ZNF385D: variants seen among roughly 807,000 people sequenced by gnomAD.
ZNF385D encodes zinc finger protein 659.
A neutral mutation model predicts 35.8 loss-of-function variants in ZNF385D; 15 were observed. The observed-to-expected ratio is 0.42, with a 90% CI of 0.28 to 0.64. The LOEUF is 0.64. ZNF385D is among the 30% of genes least tolerant of loss of function. ZNF385D has a pLI of 0.23. For synonymous variants in ZNF385D, 212 were observed against 186.8 expected, an observed-to-expected ratio of 1.13 and a Z score of -1.10; for missense variants, 474 against 494.6, an observed-to-expected ratio of 0.96 and a Z score of 0.39.
intron 1 of ZNF385D, among the ~76,000 whole-genome samples, chr3:21,738,249 T>C (rs2069342752): frequency 6.6e-6 from 1 of 152,244 alleles, no homozygotes; most frequent in Non-Finnish European, 1.5e-5. Flanking sequence ...GAGACTGGAA[T>C]TTATTCAAGG....
At chr3:21,559,757 T>C (rs1027304235) in intron 3 of ZNF385D, among the ~76,000 whole-genome samples, 1 of 152,252 alleles carries the variant, frequency 6.6e-6, no homozygotes, top group Non-Finnish European at 1.5e-5. Context: ...AAGAGTGTTT[T>C]TGAACTTGGT....
intron 3 of ZNF385D, among the ~76,000 whole-genome samples, chr3:21,797,599 T>A (rs1264479545): frequency 6.6e-6 from 1 of 152,198 alleles, no homozygotes; most frequent in African/African-American, 2.4e-5. Flanking sequence ...AACCAAGCTG[T>A]TTTTACATAG....
At chr3:22,340,385 C>A (rs13323229) in intron 2 of ZNF385D, among the ~76,000 whole-genome samples, 3 of 152,038 alleles carry the variant, frequency 2.0e-5, no homozygotes, top group Admixed American at 6.6e-5. Flanking sequence ...GTGGCTCACA[C>A]CTGTAATCTC....
At chr3:22,306,691 G>A (rs1020724755) in intron 2 of ZNF385D, among the ~76,000 whole-genome samples, 2 of 152,216 alleles carry the variant, frequency 1.3e-5, no homozygotes, top group East Asian at 3.9e-4. Context: ...AATGTAAGGT[G>A]AATTAGCATG....
intron 2 of ZNF385D, among the ~76,000 whole-genome samples, chr3:21,574,953 A>G (rs2063450648): frequency 6.6e-6 from 1 of 151,792 alleles, no homozygotes; most frequent in Non-Finnish European, 1.5e-5. Context: ...GGACTAGGTA[A>G]GTGGCTAAAG....
intron 2 of ZNF385D, among the ~76,000 whole-genome samples, chr3:22,183,743 C>T (rs1695441472): frequency 6.6e-6 from 1 of 151,802 alleles, no homozygotes; most frequent in Non-Finnish European, 1.5e-5. Context: ...ACTATAATTG[C>T]CCTTTTGAAT....
chr3:21,933,052 C>A (rs887188672), intron 3 of ZNF385D, among the ~76,000 whole-genome samples: 8 of 152,166 alleles, frequency 5.3e-5, no homozygotes, highest in Non-Finnish European at 1.0e-4. Flanking sequence ...CAGCGGAAAA[C>A]TTCCTGAATC....
chr3:21,657,274 C>G (rs2066099769), intron 2 of ZNF385D, among the ~76,000 whole-genome samples: 1 of 151,850 alleles, frequency 6.6e-6, no homozygotes, highest in Admixed American at 6.6e-5. Flanking sequence ...AATGCGCTAC[C>G]TATTCAAAGA....
At chr3:22,348,019 A>C (rs537443321) in intron 2 of ZNF385D, among the ~76,000 whole-genome samples, 1 of 152,282 alleles carries the variant, frequency 6.6e-6, no homozygotes, top group East Asian at 1.9e-4. Context: ...ATTTTGTGAT[A>C]ATTGCAGCAT....
chr3:22,365,290 A>G (rs1334653762), intron 2 of ZNF385D, among the ~76,000 whole-genome samples: 3 of 152,038 alleles, frequency 2.0e-5, no homozygotes, highest in Non-Finnish European at 4.4e-5. Context: ...AGTATGAATA[A>G]GTAAACATTG....
intron 2 of ZNF385D, among the ~76,000 whole-genome samples, chr3:22,206,345 T>TA (rs1395520482): frequency 6.6e-6 from 1 of 151,846 alleles, no homozygotes; most frequent in Non-Finnish European, 1.5e-5. Flanking sequence ...GACTTCAACA[T>TA]CCCACTGTCT....
chr3:21,630,787 A>G (rs935330985), intron 2 of ZNF385D, among the ~76,000 whole-genome samples: 7 of 152,122 alleles, frequency 4.6e-5, no homozygotes, highest in Non-Finnish European at 1.0e-4. Context: ...ACTAATATCT[A>G]TTGAGCACAC....
At chr3:22,173,254 G>T (rs1166438631) in intron 2 of ZNF385D, among the ~76,000 whole-genome samples, 1 of 152,162 alleles carries the variant, frequency 6.6e-6, no homozygotes, top group Non-Finnish European at 1.5e-5. Flanking sequence ...CCTGGATGGG[G>T]CCTTGAAATA....
intron 3 of ZNF385D, among the ~76,000 whole-genome samples, chr3:21,974,065 C>T (rs1447792351): frequency 6.6e-6 from 1 of 151,528 alleles, no homozygotes; most frequent in Non-Finnish European, 1.5e-5. Context: ...AAATAGAAAA[C>T]ATAATCCTAA....
chr3:21,710,115 C>G (rs1206715410), intron 1 of ZNF385D, among the ~76,000 whole-genome samples: 1 of 152,074 alleles, frequency 6.6e-6, no homozygotes, highest in Non-Finnish European at 1.5e-5. Context: ...AGATATCAGA[C>G]AAGCGCTTTC....
chr3:21,895,971 T>C (rs1206425034), intron 3 of ZNF385D, among the ~76,000 whole-genome samples: 2 of 152,150 alleles, frequency 1.3e-5, no homozygotes, highest in Non-Finnish European at 2.9e-5. Flanking sequence ...GTCACCAAAA[T>C]TTTTGCGGTT....
rs57424579 is a variant in ZNF385D at position 21,837,870 on chromosome 3, C to CA, written c.326-172843dup. ...CTGGTAACAGTGTGAGACTCCATCTCAAAAAAAAAAAAAAAATTGGAGAAA... is the reference window on the plus strand; with the variant it reads ...CTGGTAACAGTGTGAGACTCCATCTCAAAAAAAAAAAAAAAAATTGGAGAAA... On this transcript the variant is annotated intron_variant, in intron 3 of 5. Transcript: ENST00000494108. Among the ~76,000 whole-genome samples the CA allele has an allele frequency of 3.8e-4, 53 of 138,964 alleles. 1 individual carries two copies. The highest frequency in any genetic ancestry group is 1.1e-3 in the East Asian group (5 of 4,660). 91.2% of individuals were successfully genotyped at this position (138,964 alleles called of 152,430 possible). A position where few individuals can be genotyped will look rare whatever the true frequency, so the allele number is the denominator to read the frequency against.
intron 3 of ZNF385D, among the ~76,000 whole-genome samples, chr3:22,161,351 T>G (rs187084761): frequency 2.0e-5 from 3 of 152,220 alleles, no homozygotes; most frequent in Admixed American, 2.0e-4. Flanking sequence ...TGGGGACTTT[T>G]AATTTACATT....
intron 3 of ZNF385D, among the ~76,000 whole-genome samples, chr3:21,899,811 C>T (rs1699310970): frequency 6.6e-6 from 1 of 152,054 alleles, no homozygotes; most frequent in African/African-American, 2.4e-5. Flanking sequence ...GCCAAATTTC[C>T]CACTAAAATG....
Sources: allele counts gnomAD v4.1 joint callset (sites outside exome capture counted in the v4.1 genomes callset), GRCh38; gene constraint gnomAD v4.1.1; transcripts MANE v1.5; gene names NCBI Gene and HGNC (gene_info 2026-07-23, HGNC 2026-07-21).